Variants in CPXM2 observed in about 807,000 individuals in gnomAD.
The protein encoded by CPXM2 is carboxypeptidase X, M14 family member 2.
A neutral mutation model predicts 86.1 loss-of-function variants in CPXM2; 66 were observed. The observed-to-expected ratio is 0.77, with a 90% CI of 0.63 to 0.94. CPXM2 has a LOEUF of 0.94. Among genes scored for constraint, CPXM2 ranks in the 40% least tolerant of loss-of-function variants. The pLI is 0.00. For synonymous variants in CPXM2, 388 were observed against 400.2 expected, an observed-to-expected ratio of 0.97 and a Z score of 0.36; for missense variants, 948 against 1,026.3, an observed-to-expected ratio of 0.92 and a Z score of 1.04.
At chr10:123,845,406 T>C (rs560838997) in intron 3 of CPXM2, among the ~76,000 whole-genome samples, 12 of 152,146 alleles carry the variant, frequency 7.9e-5, no homozygotes, top group South Asian at 4.2e-4. Flanking sequence ...GGTCTTGATT[T>C]CATGAAACAA....
intron 4 of CPXM2, among the ~76,000 whole-genome samples, chr10:123,836,861 A>G (rs1364766398): frequency 1.5e-5 from 2 of 131,968 alleles, no homozygotes; most frequent in Admixed American, 7.8e-5. Flanking sequence ...ACCCCCCACC[A>G]ATTTTCCCTT....
At chr10:123,893,158 T>C (rs1308718662), upstream of CPXM2, among the ~76,000 whole-genome samples, 2 of 152,182 alleles carry the variant, frequency 1.3e-5, no homozygotes, top group Non-Finnish European at 2.9e-5. Context: ...GGTATTCAGG[T>C]GTAGATGTCT....
chr10:123,804,742 A>G (rs965219454), intron 4 of CPXM2, among the ~76,000 whole-genome samples: 3 of 152,220 alleles, frequency 2.0e-5, no homozygotes, highest in Non-Finnish European at 4.4e-5. Context: ...GAAGTGAATA[A>G]CTGACATCCC....
At chr10:123,850,681 C>T (rs1485564950) in intron 3 of CPXM2, among the ~76,000 whole-genome samples, 1 of 152,124 alleles carries the variant, frequency 6.6e-6, no homozygotes, top group Non-Finnish European at 1.5e-5. Context: ...GCCCAGGAGA[C>T]AAGTAAAATG....
intron 2 of CPXM2, among the ~76,000 whole-genome samples, chr10:123,870,283 G>A (rs1204150694): frequency 6.6e-6 from 1 of 152,094 alleles, no homozygotes; most frequent in Non-Finnish European, 1.5e-5. Flanking sequence ...AAATGAAGTT[G>A]CTTGATGGTG....
chr10:123,854,364 A>G (rs1392024608), intron 3 of CPXM2, among the ~76,000 whole-genome samples: 1 of 79,032 alleles, frequency 1.3e-5, no homozygotes, highest in Non-Finnish European at 2.4e-5. Flanking sequence ...ATATAAAAAT[A>G]TATATATATA....
chr10:123,861,258 T>A (rs1193149837), intron 3 of CPXM2, among the ~76,000 whole-genome samples: 1 of 152,100 alleles, frequency 6.6e-6, no homozygotes, highest in Non-Finnish European at 1.5e-5. Context: ...CCAGAGATGG[T>A]GCACGTGCAA....
At chr10:123,911,219 T>C (rs976573005) in intron 2 of CPXM2, among the ~76,000 whole-genome samples, 3 of 152,206 alleles carry the variant, frequency 2.0e-5, no homozygotes, top group African/African-American at 7.2e-5. Flanking sequence ...TATCTAGTTT[T>C]GTGACTCTCT....
rs1484003432 is a variant in CPXM2 at position 123,798,017 on chromosome 10, C to T, written c.848G>A (p.Ser283Asn). Residue 283 changes from serine to asparagine, a missense_variant, in exon 6 of 14, where the codon AGC (serine) becomes AAC (asparagine). Ser to Asn is a conservative substitution (Grantham distance 46, BLOSUM62 1). Transcript: ENST00000241305. ...INPQSWFDNG[S>N]ICMRMEILGC... ...CAGGATCTCCATTCTCATGCAGATGCTCCCATTATCAAACCAGGACTGAGG... is the reference window on the plus strand; with the variant it reads ...CAGGATCTCCATTCTCATGCAGATGTTCCCATTATCAAACCAGGACTGAGG... 1.2e-6 allele frequency: 2 copies of T among 1,610,300 alleles called. No homozygotes were observed. The highest frequency in any genetic ancestry group is 1.3e-5 in the African/African-American group (1 of 74,824).
intron 6 of CPXM2, among the ~76,000 whole-genome samples, chr10:123,786,124 T>C (rs531780023): frequency 5.9e-5 from 9 of 152,344 alleles, no homozygotes; most frequent in African/African-American, 2.2e-4. Context: ...TGCCCACTGA[T>C]TTATGCAGAT....
intron 6 of CPXM2, among the ~76,000 whole-genome samples, chr10:123,795,768 T>C (rs558714733): frequency 2.6e-5 from 4 of 152,224 alleles, no homozygotes; most frequent in African/African-American, 4.8e-5. Flanking sequence ...CATACATGAA[T>C]TCAGATTTCA....
At chr10:123,767,179 T>TGC (rs765110954) in intron 9 of CPXM2, 27 bp from the exon 10 acceptor site, 20 of 1,605,616 alleles carry the variant, frequency 1.2e-5, no homozygotes, top group Non-Finnish European at 1.7e-5. Context: ...GTGTGAAGAA[T>TGC]GCACAGGCTG....
intron 1 of CPXM2, among the ~76,000 whole-genome samples, chr10:123,890,458 C>T (rs1016865869): frequency 1.3e-5 from 2 of 152,238 alleles, no homozygotes; most frequent in East Asian, 3.8e-4. Flanking sequence ...CTTCCATACC[C>T]GGAGCCCTGT....
chr10:123,803,368 T>C (rs914273754), intron 4 of CPXM2, among the ~76,000 whole-genome samples: 5 of 152,084 alleles, frequency 3.3e-5, no homozygotes, highest in Non-Finnish European at 7.3e-5. Flanking sequence ...CACCTTGGCC[T>C]CTCAGAGTGC....
Position 123,849,766 on chromosome 10 carries a change from C to T in CPXM2, c.514-7278G>A, listed in dbSNP as rs561263222. ...AATATACCTCTCTTCTTTAGTTGAG[C>T]AGCTTCTTTGTAAAGTTTTCATTAA... On this transcript the variant is annotated intron_variant, in intron 3 of 13. Transcript: ENST00000241305. Among the ~76,000 whole-genome samples, 3 of 152,232 alleles carry T rather than the reference C, an allele frequency of 2.0e-5. No individual in the cohort carries two copies. In the South Asian group the frequency reaches 6.2e-4, roughly 32 times the overall value.
chr10:123,792,495 G>A (rs2134054916), intron 6 of CPXM2, among the ~76,000 whole-genome samples: 1 of 152,200 alleles, frequency 6.6e-6, no homozygotes, highest in South Asian at 2.1e-4. Flanking sequence ...CAGACATTCC[G>A]CCCACCACCC....
At chr10:123,788,435 G>A (rs888718181) in intron 6 of CPXM2, among the ~76,000 whole-genome samples, 4 of 152,084 alleles carry the variant, frequency 2.6e-5, no homozygotes, top group African/African-American at 9.7e-5. Flanking sequence ...AAGCAAGCCC[G>A]ATACGAAACT....
chr10:123,842,584 T>C (rs1848410489), intron 3 of CPXM2, 96 bp from the exon 4 acceptor site: 2 of 1,254,280 alleles, frequency 1.6e-6, no homozygotes, highest in Non-Finnish European at 2.2e-6. Flanking sequence ...GGAGGGAGGA[T>C]AGGAGAAGAA....
At chr10:123,749,466 C>G (rs909476847) in intron 13 of CPXM2, among the ~76,000 whole-genome samples, 6 of 152,218 alleles carry the variant, frequency 3.9e-5, no homozygotes, top group African/African-American at 1.4e-4. Flanking sequence ...CCTAGTCCAC[C>G]CTCTGTGCTG....
Sources: allele counts gnomAD v4.1 joint callset (sites outside exome capture counted in the v4.1 genomes callset), GRCh38; gene constraint gnomAD v4.1.1; transcripts MANE v1.5; gene names NCBI Gene and HGNC (gene_info 2026-07-23, HGNC 2026-07-21).